Variants in AKAP19 observed in about 807,000 individuals in gnomAD.
The protein encoded by AKAP19 is A-kinase anchoring protein 19.
the AKAP19 span, among the ~76,000 whole-genome samples, chr2:189,926,900 A>G: frequency 6.6e-6 from 1 of 151,120 alleles, no homozygotes; most frequent in Non-Finnish European, 1.5e-5. Context: ...TTGTTTTTCT[A>G]AGAGCAAGGA....
the AKAP19 span, among the ~76,000 whole-genome samples, chr2:190,128,820 C>T: frequency 1.2e-4 from 19 of 152,292 alleles, no homozygotes; most frequent in Non-Finnish European, 2.4e-4. Context: ...AAAACCTAAA[C>T]TTAAGAGCTA....
At chr2:189,930,164 G>T in the AKAP19 span, 1 of 157,476 alleles carries the variant, frequency 6.4e-6, no homozygotes, top group Non-Finnish European at 1.4e-5. Flanking sequence ...AAACTTTTGT[G>T]CATGATCTTA....
chr2:190,090,247 G>A, the AKAP19 span, among the ~76,000 whole-genome samples: 1 of 152,182 alleles, frequency 6.6e-6, no homozygotes, highest in African/African-American at 2.4e-5. Flanking sequence ...AGCGAAGAAA[G>A]CCTTCTATAC....
chr2:189,882,011 A>G, the AKAP19 span, among the ~76,000 whole-genome samples: 1 of 152,178 alleles, frequency 6.6e-6, no homozygotes, highest in African/African-American at 2.4e-5. Context: ...TGTTCCATAG[A>G]AGGAATCTCA....
the AKAP19 span, among the ~76,000 whole-genome samples, chr2:190,183,732 T>G: frequency 2.6e-5 from 4 of 152,122 alleles, no homozygotes; most frequent in Non-Finnish European, 5.9e-5. Flanking sequence ...AGAATAGTTC[T>G]GTGCTGACAT....
chr2:190,004,588 T>C, the AKAP19 span, among the ~76,000 whole-genome samples: 1 of 152,082 alleles, frequency 6.6e-6, no homozygotes, highest in Non-Finnish European at 1.5e-5. Flanking sequence ...TTTTTATTTT[T>C]TTTTTTTGAG....
chr2:189,884,375 T>A, the AKAP19 span, among the ~76,000 whole-genome samples: 1 of 152,210 alleles, frequency 6.6e-6, no homozygotes, highest in African/African-American at 2.4e-5. Context: ...TCTACATTTT[T>A]ACATGTAAAT....
At chr2:189,978,837 C>CA in the AKAP19 span, among the ~76,000 whole-genome samples, 8 of 151,124 alleles carry the variant, frequency 5.3e-5, no homozygotes, top group South Asian at 6.3e-4. Context: ...TTATACTAGC[C>CA]AAAAAAAATT....
At chr2:189,883,402 C>T in the AKAP19 span, among the ~76,000 whole-genome samples, 1 of 152,084 alleles carries the variant, frequency 6.6e-6, no homozygotes, top group Non-Finnish European at 1.5e-5. Context: ...CTCAACCTGA[C>T]TATGCTGTTA....
the AKAP19 span, among the ~76,000 whole-genome samples, chr2:190,088,307 G>T: frequency 2.6e-5 from 4 of 152,126 alleles, no homozygotes; most frequent in African/African-American, 9.7e-5. Context: ...AAATGAAGAT[G>T]CAAAGAGCAC....
chr2:190,109,681 C>T, the AKAP19 span, among the ~76,000 whole-genome samples: 121 of 152,282 alleles, frequency 7.9e-4, no homozygotes, highest in Middle Eastern at 3.4e-3. Context: ...GCTAAGGTGT[C>T]TTGGTCGCTA....
the AKAP19 span, chr2:190,150,249 C>T: frequency 6.6e-6 from 1 of 152,306 alleles, no homozygotes; most frequent in Non-Finnish European, 1.5e-5. Flanking sequence ...TCACCCCATT[C>T]GAATTGTTAC....
the AKAP19 span, among the ~76,000 whole-genome samples, chr2:190,040,130 A>T: frequency 6.6e-6 from 1 of 151,978 alleles, no homozygotes; most frequent in Non-Finnish European, 1.5e-5. Context: ...ACTAATTTAC[A>T]CTCCCACCAA....
At chr2:190,020,341 T>C in the AKAP19 span, among the ~76,000 whole-genome samples, 1 of 152,232 alleles carries the variant, frequency 6.6e-6, no homozygotes, top group Admixed American at 6.5e-5. Context: ...TAAGATTCTT[T>C]GAATATGTTT....
At chr2:190,117,210 C>T in the AKAP19 span, among the ~76,000 whole-genome samples, 1 of 152,060 alleles carries the variant, frequency 6.6e-6, no homozygotes, top group Admixed American at 6.6e-5. Context: ...TAGTGGCTTT[C>T]TTAAAGAGAA....
the AKAP19 span, among the ~76,000 whole-genome samples, chr2:190,095,323 T>C: frequency 6.6e-6 from 1 of 152,162 alleles, no homozygotes; most frequent in African/African-American, 2.4e-5. Flanking sequence ...ATCAGTGCAA[T>C]GGAGTGAATG....
the AKAP19 span, among the ~76,000 whole-genome samples, chr2:189,983,587 G>A: frequency 6.6e-6 from 1 of 152,204 alleles, no homozygotes; most frequent in Non-Finnish European, 1.5e-5. Context: ...CCAGGCATAG[G>A]TGCTGCCCAC....
chr2:190,183,876 T>C, the AKAP19 span, among the ~76,000 whole-genome samples: 6,658 of 151,880 alleles, frequency 0.044, 483 homozygotes, highest in African/African-American at 0.15. Context: ...TTGAAAATCA[T>C]TTGCTTTTAA....
chr2:190,099,807 G>GATATA, the AKAP19 span, among the ~76,000 whole-genome samples: 1 of 152,180 alleles, frequency 6.6e-6, no homozygotes, highest in East Asian at 1.9e-4. Flanking sequence ...GACTTACCAT[G>GATATA]ATATAACATG....
Sources: gnomAD v4.1 joint callset for allele counts (sites outside exome capture counted in the v4.1 genomes callset) on GRCh38, gnomAD v4.1.1 for gene constraint, MANE v1.5 for transcripts, NCBI Gene and HGNC (gene_info 2026-07-23, HGNC 2026-07-21) for gene names.